Variants in MTUS2 observed in about 807,000 individuals in gnomAD.
MTUS2 encodes the protein microtubule associated scaffold protein 2.
Under a neutral mutation model 114.1 loss-of-function variants are expected in MTUS2, and 40 were observed. The observed-to-expected ratio is 0.35, with a 90% CI of 0.27 to 0.46. MTUS2 has a LOEUF of 0.46. Among genes scored for constraint, MTUS2 ranks in the 20% least tolerant of loss-of-function variants. MTUS2 has a pLI of 1.00. For missense variants in MTUS2, 1,679 were observed against 1,705.4 expected (o/e 0.98, Z 0.27); for synonymous variants, 688 against 672.0 (o/e 1.02, Z -0.37).
At chr13:29,268,003 A>AT (rs1003646322) in intron 5 of MTUS2, among the ~76,000 whole-genome samples, 2 of 152,118 alleles carry the variant, frequency 1.3e-5, no homozygotes, top group African/African-American at 2.4e-5. Context: ...TAGACATCAG[A>AT]TTTTTTTAAT....
intron 8 of MTUS2, among the ~76,000 whole-genome samples, chr13:29,385,064 C>T (rs1329110054): frequency 6.6e-6 from 1 of 152,140 alleles, no homozygotes; most frequent in African/African-American, 2.4e-5. Context: ...CTGCTGGGCT[C>T]CAGAGTTCAG....
intron 8 of MTUS2, among the ~76,000 whole-genome samples, chr13:29,368,387 C>T (rs1045817542): frequency 1.3e-5 from 2 of 152,044 alleles, no homozygotes; most frequent in Non-Finnish European, 2.9e-5. Context: ...TTAATGCTTA[C>T]AGTTAGATAG....
Position 29,026,398 on chromosome 13 carries a change from C to T in MTUS2, c.1700C>T (p.Ser567Phe), listed in dbSNP as rs1886549536. The change falls in exon 3 of 16, where the codon TCC becomes TTC. Residue 567 changes from serine to phenylalanine, a missense_variant. Coordinates refer to ENST00000612955, the MANE Select transcript of MTUS2 (RefSeq NM_001033602.4). Reference protein sequence around the residue: ...DVSVFGMDAGSPLVVPPPTDS... With the variant: ...DVSVFGMDAGFPLVVPPPTDS... ...AGCGTGTTCGGTATGGATGCGGGGT[C>T]CCCCTTGGTAGTTCCACCCCCTACT... 1.2e-6 allele frequency: 2 copies of T among 1,613,824 alleles called. No homozygotes were observed. The highest frequency in any genetic ancestry group is 1.7e-6 in the Non-Finnish European group (2 of 1,179,816).
Position 29,025,877 on chromosome 13 carries a change from C to T in MTUS2, c.1179C>T (p.His393=), listed in dbSNP as rs1886513858. Reference sequence around the variant, plus strand: ...ACCCAGGGGAGCAGGATTCTCTCCACACCACCCCCAAACAGGGCTCTGCTT... The same window carrying T: ...ACCCAGGGGAGCAGGATTCTCTCCATACCACCCCCAAACAGGGCTCTGCTT... ...GVNPGEQDSL[H]TTPKQGSASL... Residue 393 remains histidine (H), a synonymous_variant, in exon 3 of 16, where the codon CAC becomes CAT. Coordinates refer to ENST00000612955, the MANE Select transcript of MTUS2 (RefSeq NM_001033602.4). 2 of 1,613,248 alleles carry T rather than the reference C, an allele frequency of 1.2e-6. No homozygotes were observed. The highest frequency in any genetic ancestry group is 8.5e-7 in the Non-Finnish European group (1 of 1,179,496).
chr13:29,225,973 C>T (rs967348392), intron 5 of MTUS2, among the ~76,000 whole-genome samples: 17 of 152,034 alleles, frequency 1.1e-4, no homozygotes, highest in African/African-American at 4.1e-4. Context: ...TGGTAATCAA[C>T]CTGGAATTGA....
chr13:29,333,737 A>G (rs1398985647), intron 7 of MTUS2, among the ~76,000 whole-genome samples: 1 of 152,154 alleles, frequency 6.6e-6, no homozygotes, highest in Non-Finnish European at 1.5e-5. Context: ...AGTCCTGAAT[A>G]TCCGTGTTAA....
At chr13:29,081,925 C>T (rs901503267) in intron 4 of MTUS2, among the ~76,000 whole-genome samples, 6 of 152,086 alleles carry the variant, frequency 3.9e-5, no homozygotes, top group African/African-American at 7.2e-5. Context: ...AACTTTTGGC[C>T]GGAGTATCCA....
chr13:29,157,896 A>G (rs929992955), intron 5 of MTUS2, among the ~76,000 whole-genome samples: 1 of 152,234 alleles, frequency 6.6e-6, no homozygotes, highest in Non-Finnish European at 1.5e-5. Context: ...CACTGGGCAT[A>G]GTGTCAGTCA....
intron 8 of MTUS2, among the ~76,000 whole-genome samples, chr13:29,421,714 G>T (rs1489179980): frequency 1.3e-5 from 2 of 152,318 alleles, no homozygotes; most frequent in Middle Eastern, 3.4e-3. Context: ...AGGAAATCCT[G>T]GGGCAAGAGC....
intron 5 of MTUS2, among the ~76,000 whole-genome samples, chr13:29,258,448 C>G (rs748921333): frequency 2.0e-5 from 3 of 152,188 alleles, no homozygotes; most frequent in Non-Finnish European, 4.4e-5. Context: ...TTAAAGGCAA[C>G]TGTGCCACAG....
intron 5 of MTUS2, among the ~76,000 whole-genome samples, chr13:29,266,632 A>G (rs1897677022): frequency 6.6e-6 from 1 of 152,148 alleles, no homozygotes; most frequent in African/African-American, 2.4e-5. Context: ...ATCATCCCTA[A>G]CTTTTAAACT....
intron 9 of MTUS2, among the ~76,000 whole-genome samples, chr13:29,464,935 G>A (rs929075853): frequency 6.6e-6 from 1 of 152,238 alleles, no homozygotes; most frequent in Admixed American, 6.5e-5. Context: ...AGTTTGAGAA[G>A]CACTGGCTTG....
intron 2 of MTUS2, among the ~76,000 whole-genome samples, chr13:28,923,311 C>A (rs1881150797): frequency 6.6e-6 from 1 of 152,106 alleles, no homozygotes; most frequent in South Asian, 2.1e-4. Context: ...TGTGATTTTT[C>A]TGTTTCTTGG....
At chr13:29,306,720 C>T in intron 6 of MTUS2, 1 of 283,828 alleles carries the variant, frequency 3.5e-6, no homozygotes, top group South Asian at 3.1e-5. Flanking sequence ...CCCTGCTTCT[C>T]CTGTTCGACA....
rs144740178 is a variant in MTUS2, at chr13:29,376,412, G to A, written c.3117+16939G>A. Among the ~76,000 whole-genome samples, 105 of 152,082 alleles carry A rather than the reference G, an allele frequency of 6.9e-4. 1 individual carries two copies. The highest frequency in any genetic ancestry group is 2.5e-3 in the African/African-American group (102 of 41,490). On this transcript the variant is annotated intron_variant, in intron 8 of 15. Coordinates refer to ENST00000612955, the MANE Select transcript of MTUS2 (RefSeq NM_001033602.4). ...GACCAACAACTAAAACGTTATTTGA[G>A]ATGTAGTCAAAAATACAATAAAGCA...
intron 2 of MTUS2, among the ~76,000 whole-genome samples, chr13:28,923,006 A>G (rs1881133037): frequency 6.6e-6 from 1 of 152,126 alleles, no homozygotes; most frequent in Admixed American, 6.6e-5. Flanking sequence ...CTGTTGTCGC[A>G]CAGGTGCTCT....
intron 5 of MTUS2, among the ~76,000 whole-genome samples, chr13:29,239,193 A>AT (rs924555672): frequency 3.7e-4 from 56 of 152,212 alleles, no homozygotes; most frequent in African/African-American, 1.4e-3. Flanking sequence ...TAATGTATAC[A>AT]TATATTAAAA....
chr13:29,405,477 T>C (rs998013191), intron 8 of MTUS2, among the ~76,000 whole-genome samples: 7 of 152,182 alleles, frequency 4.6e-5, no homozygotes, highest in African/African-American at 1.7e-4. Flanking sequence ...CCAAATTACA[T>C]AGCACAGCCC....
chr13:29,386,719 C>T (rs899045557), intron 8 of MTUS2, among the ~76,000 whole-genome samples: 3 of 152,144 alleles, frequency 2.0e-5, no homozygotes, highest in Non-Finnish European at 2.9e-5. Flanking sequence ...TGTTCTAGAG[C>T]AGTGAGTCCA....
Sources: allele counts gnomAD v4.1 joint callset (sites outside exome capture counted in the v4.1 genomes callset), GRCh38; gene constraint gnomAD v4.1.1; transcripts MANE v1.5; gene names NCBI Gene and HGNC (gene_info 2026-07-23, HGNC 2026-07-21).